The following SMYD4 variants were observed in gnomAD, a reference collection of about 807,000 sequenced individuals.
SMYD4 encodes SET and MYND domain containing 4, also known as protein-lysine N-methyltransferase SMYD4.
In SMYD4, 68 loss-of-function variants were observed where a neutral mutation model predicts 72.8. The ratio of observed to expected loss-of-function variants is 0.93; its 90% confidence interval spans 0.77 to 1.14. The LOEUF is 1.14. SMYD4 is among the 50% of genes most tolerant of loss of function. The pLI, the probability that SMYD4 is intolerant of heterozygous loss-of-function variation, is 0.00. For missense variants in SMYD4, 984 were observed against 1,003.7 expected, an observed-to-expected ratio of 0.98 and a Z score of 0.27; for synonymous variants, 407 against 388.6, an observed-to-expected ratio of 1.05 and a Z score of -0.56.
chr17:1,799,299 C>T (rs2151232902), intron 5 of SMYD4, among the ~76,000 whole-genome samples: 1 of 151,806 alleles, frequency 6.6e-6, no homozygotes, highest in Non-Finnish European at 1.5e-5. Flanking sequence ...TAGCTTTACA[C>T]AACTCTGTAA....
At chr17:1,825,375 G>T (rs547745364) in intron 2 of SMYD4, among the ~76,000 whole-genome samples, 11 of 152,240 alleles carry the variant, frequency 7.2e-5, no homozygotes, top group African/African-American at 2.6e-4. Context: ...AGTGCAGAAG[G>T]ATTAGAGAGC....
chr17:1,800,834 A>G lies in SMYD4; in HGVS notation c.560T>C (p.Leu187Pro). The change falls in exon 5 of 11, where the codon CTG (leucine) becomes CCG (proline). Residue 187 changes from leucine (L) to proline (P), a missense_variant. Physicochemically the swap from Leu to Pro is moderately conservative, Grantham distance 98 (BLOSUM62 -3). Coordinates refer to ENST00000305513, the MANE Select transcript of SMYD4 (RefSeq NM_052928.3). The stretch of plus-strand genomic sequence containing the variant: ...TTTCAGACGATGGAGGTTTCTCTGC[A>G]GAGTCTGAGGGAGGACATCTGCTAG... The part of the protein sequence containing the change: ...PALADVLPQT[L>P]QRNLHRLKMK... 2 of 1,614,218 alleles carry G rather than the reference A, an allele frequency of 1.2e-6. No individual in the cohort carries two copies. The highest frequency in any genetic ancestry group is 1.7e-6 in the Non-Finnish European group (2 of 1,180,038).
chr17:1,813,190 G>C (rs1275277502), intron 2 of SMYD4, among the ~76,000 whole-genome samples: 2 of 152,140 alleles, frequency 1.3e-5, no homozygotes, highest in East Asian at 3.9e-4. Flanking sequence ...CCGCCTGCCT[G>C]GGCCTCCCAA....
chr17:1,781,608 G>A (rs578035800), intron 10 of SMYD4, 169 bp from the exon 11 acceptor site: 2 of 658,914 alleles, frequency 3.0e-6, no homozygotes, highest in Admixed American at 3.6e-5. Flanking sequence ...AAACAAAAGT[G>A]TGAGAAAACA....
At chr17:1,818,510 A>G (rs928451111) in intron 2 of SMYD4, among the ~76,000 whole-genome samples, 1 of 152,190 alleles carries the variant, frequency 6.6e-6, no homozygotes, top group Non-Finnish European at 1.5e-5. Context: ...TAATTCAAAT[A>G]TTATTTAAAT....
Position 1,812,127 on chromosome 17 carries a change from A to G in SMYD4, c.135-12T>C. On this transcript the variant is annotated splice_polypyrimidine_tract_variant and intron_variant, in intron 2 of 10. Coordinates refer to ENST00000305513, the MANE Select transcript of SMYD4 (RefSeq NM_052928.3). ...GCTCATCCTCAGGTCTGCATGAAGA[A>G]AGGAGGAAACAAAGTAAGCAGAAAT... The G allele has an allele frequency of 4.3e-6, 7 of 1,609,878 alleles. No individual in the cohort carries two copies. Among genetic ancestry groups the G allele is most frequent in the African/African-American group, 2.7e-5 (2 of 74,694 alleles).
intron 3 of SMYD4, among the ~76,000 whole-genome samples, chr17:1,807,185 C>T (rs551047115): frequency 7.2e-5 from 11 of 152,096 alleles, no homozygotes; most frequent in African/African-American, 1.9e-4. Flanking sequence ...CCACTGTGCC[C>T]GGCCCTGTGC....
In SMYD4 at chr17:1,784,416, C is replaced by A; in HGVS notation, c.1930G>T (p.Ala644Ser). ...GAGACCAGGTGGTCCCTGCTGACGG[C>A]GGATTCTGCACAAGATCTGCTGCCA... ...RCGSRSCAES[A>S]VSRDHLVSRL... Residue 644 changes from alanine (A) to serine (S), a missense_variant, in exon 8 of 11, where the codon GCC (alanine) becomes TCC (serine). By Grantham distance (99) the Ala-to-Ser change is moderately conservative (BLOSUM62 1). Transcript: ENST00000305513. 1.2e-6 allele frequency: 2 copies of A among 1,614,166 alleles called. No homozygotes were observed. The highest frequency in any genetic ancestry group is 1.7e-6 in the Non-Finnish European group (2 of 1,180,030).
rs541933966 is a variant in SMYD4 at position 1,804,622 on chromosome 17, T to C, written c.369+4A>G. 1.2e-6 allele frequency: 2 copies of C among 1,613,180 alleles called. No individual in the cohort carries two copies. The highest frequency in any genetic ancestry group is 2.2e-5 in the East Asian group (1 of 44,848). Reference sequence around the variant, plus strand: ...CCTCTCATACCAGGTATCCTGATACTCACCTCATACTGACCCAGGTGGAAG... The same window carrying C: ...CCTCTCATACCAGGTATCCTGATACCCACCTCATACTGACCCAGGTGGAAG... On this transcript the variant is annotated splice_donor_region_variant and intron_variant, in intron 4 of 10. Coordinates refer to ENST00000305513, the MANE Select transcript of SMYD4 (RefSeq NM_052928.3).
chr17:1,824,596 C>T (rs142956002), intron 2 of SMYD4, among the ~76,000 whole-genome samples: 6 of 151,936 alleles, frequency 3.9e-5, no homozygotes, highest in South Asian at 2.1e-4. Context: ...TGAGTTCTCA[C>T]GAAATCTGAT....
At chr17:1,798,985 C>T (rs1203129941) in intron 5 of SMYD4, among the ~76,000 whole-genome samples, 1 of 151,172 alleles carries the variant, frequency 6.6e-6, no homozygotes, top group Non-Finnish European at 1.5e-5. Context: ...AGAATTTTTA[C>T]AAACAGCCAG....
intron 4 of SMYD4, among the ~76,000 whole-genome samples, chr17:1,801,959 G>C (rs1473080698): frequency 6.6e-6 from 1 of 152,008 alleles, no homozygotes; most frequent in East Asian, 1.9e-4. Context: ...CTGGGTGACA[G>C]AGCGACACTC....
chr17:1,791,136 A>G (rs1022119719), intron 5 of SMYD4, among the ~76,000 whole-genome samples: 2 of 145,678 alleles, frequency 1.4e-5, no homozygotes, highest in African/African-American at 5.3e-5. Flanking sequence ...AAAAAAAAAA[A>G]AAGATAGATT....
Position 1,799,767 on chromosome 17 carries a change from A to G in SMYD4, c.1537+90T>C, listed in dbSNP as rs1869533345. ...TCCCATTAGCTCAATGATTTGTTTG[A>G]ATCCTATTTTCCTTTGGAATTGTTT... On this transcript the variant is annotated intron_variant, in intron 5 of 10. Coordinates refer to ENST00000305513, the MANE Select transcript of SMYD4 (RefSeq NM_052928.3). 3 of 1,264,168 alleles carry G rather than the reference A, an allele frequency of 2.4e-6. No individual in the cohort carries two copies. The Admixed American group carries it at 8.5e-5, about 36-fold the overall frequency. 78.3% of individuals were successfully genotyped at this position (1,264,168 alleles called of 1,614,324 possible). A position where few individuals can be genotyped will look rare whatever the true frequency, so the allele number is the denominator to read the frequency against.
At chr17:1,804,807 T>C (rs761202426) in intron 3 of SMYD4, 92 bp from the exon 4 acceptor site, 72 of 1,243,798 alleles carry the variant, frequency 5.8e-5, no homozygotes, top group Non-Finnish European at 7.7e-5. Flanking sequence ...TACTGAAGAC[T>C]GTGTGAAACT....
rs778838603 is a variant in SMYD4 at position 1,799,941 on chromosome 17, C to A, written c.1453G>T (p.Val485Leu). The A allele has an allele frequency of 6.2e-7, 1 of 1,613,962 alleles. No homozygotes were observed. Among genetic ancestry groups the A allele is most frequent in the African/African-American group, 1.3e-5 (1 of 74,924 alleles). The change falls in exon 5 of 11, where the codon GTG becomes TTG. Residue 485 changes from valine (V) to leucine (L), a missense_variant. Transcript: ENST00000305513. ...AAVTPELCPD[V>L]TIWGVAMLRH... is the part of the protein sequence containing the mutation. Reference sequence around the variant, plus strand: ...AGCATCGCCACTCCCCAAATAGTCACGTCAGGACACAATTCAGGTGTCACT... The same window carrying A: ...AGCATCGCCACTCCCCAAATAGTCAAGTCAGGACACAATTCAGGTGTCACT...
At position 1,800,862 on chromosome 17, in the gene SMYD4, C is replaced by A. The variant is rs777092783; in HGVS notation, c.532G>T (p.Ala178Ser). The A allele has an allele frequency of 1.5e-5, 25 of 1,614,062 alleles. No individual in the cohort carries two copies. The highest frequency in any genetic ancestry group is 2.1e-5 in the Non-Finnish European group (25 of 1,180,034). ...DLERNFTATP[A>S]LADVLPQTLQ... ...GTCTGAGGGAGGACATCTGCTAGGG[C>A]TGGTGTGGCTGTGAAGTTCCTTTCA... Residue 178 changes from alanine (A) to serine (S), a missense_variant, in exon 5 of 11, where the codon GCC (alanine) becomes TCC (serine). By Grantham distance (99) the Ala-to-Ser change is moderately conservative (BLOSUM62 1). Transcript: ENST00000305513.
chr17:1,812,204 G>T, intron 2 of SMYD4, 89 bp from the exon 3 acceptor site: 1 of 1,432,246 alleles, frequency 7.0e-7, no homozygotes, highest in Non-Finnish European at 9.5e-7. Flanking sequence ...AAGAAAGTGG[G>T]CCCGCAAAAC....
At chr17:1,819,658 C>T (rs1330819959) in intron 2 of SMYD4, among the ~76,000 whole-genome samples, 2 of 152,076 alleles carry the variant, frequency 1.3e-5, no homozygotes, top group African/African-American at 2.4e-5. Context: ...TACAAAATGG[C>T]GATTTTTCTA....
Sources: gnomAD v4.1 joint callset for allele counts (sites outside exome capture counted in the v4.1 genomes callset) on GRCh38, gnomAD v4.1.1 for gene constraint, MANE v1.5 for transcripts, NCBI Gene and HGNC (gene_info 2026-07-23, HGNC 2026-07-21) for gene names.